The following STXBP5L variants were observed in gnomAD, a reference collection of about 807,000 sequenced individuals.
STXBP5L encodes the protein syntaxin binding protein 5L.
A neutral mutation model predicts 144.5 loss-of-function variants in STXBP5L; 65 were observed. The ratio of observed to expected loss-of-function variants is 0.45; its 90% CI spans 0.37 to 0.55. The LOEUF (loss-of-function observed/expected upper bound fraction) is 0.55, where lower values mean the gene tolerates loss of function less well. Ranked by LOEUF, STXBP5L falls within the 20% of genes least tolerant of loss-of-function variation. STXBP5L has a pLI of 0.00. For missense variants in STXBP5L, 1,298 were observed against 1,405.5 expected, an observed-to-expected ratio of 0.92 and a Z score of 1.22; for synonymous variants, 505 against 469.6, an observed-to-expected ratio of 1.08 and a Z score of -0.97.
intron 7 of STXBP5L, among the ~76,000 whole-genome samples, chr3:121,132,474 G>A (rs1007110347): frequency 5.3e-5 from 8 of 152,176 alleles, no homozygotes; most frequent in Admixed American, 1.3e-4. Context: ...CCATGGGAAA[G>A]GAAAGAGTAG....
chr3:121,316,826 A>T (rs1363812836), intron 19 of STXBP5L, among the ~76,000 whole-genome samples: 1 of 152,190 alleles, frequency 6.6e-6, no homozygotes, highest in Non-Finnish European at 1.5e-5. Context: ...TAGTCATTAC[A>T]GTTCCTTTCT....
At chr3:121,313,302 C>T (rs1211146633) in intron 19 of STXBP5L, among the ~76,000 whole-genome samples, 3 of 135,694 alleles carry the variant, frequency 2.2e-5, no homozygotes, top group Non-Finnish European at 4.8e-5. Context: ...TGGGCAGAGG[C>T]GCCCCTCACC....
At chr3:121,407,770 G>T in intron 23 of STXBP5L, 167 bp downstream of exon 23, 3 of 1,003,606 alleles carry the variant, frequency 3.0e-6, no homozygotes, top group African/African-American at 1.7e-5. Context: ...AGAGTTTGGG[G>T]GTTTTGTGTT....
chr3:121,102,555 A>G (rs2043486793), intron 5 of STXBP5L, among the ~76,000 whole-genome samples: 1 of 152,144 alleles, frequency 6.6e-6, no homozygotes, highest in Non-Finnish European at 1.5e-5. Flanking sequence ...AAATTAACTC[A>G]AGAGGGTTTA....
chr3:121,056,878 A>T (rs1194281568), intron 5 of STXBP5L, among the ~76,000 whole-genome samples: 1 of 151,566 alleles, frequency 6.6e-6, no homozygotes, highest in Non-Finnish European at 1.5e-5. Flanking sequence ...ATATATAGAG[A>T]GAATATCATA....
chr3:121,301,552 A>C (rs1329294544), intron 19 of STXBP5L, among the ~76,000 whole-genome samples: 7 of 152,018 alleles, frequency 4.6e-5, no homozygotes, highest in Non-Finnish European at 7.4e-5. Flanking sequence ...TCTCCTGCCT[A>C]ATTGCCCTGG....
rs1375798599 is a variant in STXBP5L at position 121,381,549 on chromosome 3, A to G, written c.2587+17A>G. ...TGCCAAGTGGTAAGAGTTTGTATTC[A>G]TTCATTCCTTCACTGTTACTTTTTC... On this transcript the variant is annotated intron_variant, in intron 22 of 26. Transcript: ENST00000471454. 16 of 1,581,146 alleles carry G rather than the reference A, an allele frequency of 1.0e-5. No homozygotes were observed. In the Middle Eastern group the frequency reaches 5.0e-4, roughly 50 times the overall value.
At chr3:121,312,924 A>G in intron 19 of STXBP5L, among the ~76,000 whole-genome samples, 1 of 152,146 alleles carries the variant, frequency 6.6e-6, no homozygotes, top group Admixed American at 6.5e-5. Flanking sequence ...CCGCCTTTCT[A>G]TTCCACAAAA....
chr3:120,942,204 T>C (rs1006841867), intron 2 of STXBP5L, among the ~76,000 whole-genome samples: 1 of 151,840 alleles, frequency 6.6e-6, no homozygotes, highest in South Asian at 2.1e-4. Context: ...AAGCAAAATA[T>C]TAAAATTGTT....
At chr3:121,006,990 CT>C (rs1944372354) in intron 3 of STXBP5L, among the ~76,000 whole-genome samples, 1 of 151,974 alleles carries the variant, frequency 6.6e-6, no homozygotes. Flanking sequence ...ACATTTTTTC[CT>C]TCATTTCAAC....
chr3:121,138,858 A>G (rs190832331), intron 7 of STXBP5L, among the ~76,000 whole-genome samples: 4 of 152,158 alleles, frequency 2.6e-5, no homozygotes, highest in African/African-American at 9.6e-5. Flanking sequence ...AGTTTTTTGA[A>G]TAAGAACTCA....
At chr3:121,320,188 G>A (rs998846274) in intron 20 of STXBP5L, among the ~76,000 whole-genome samples, 6 of 151,710 alleles carry the variant, frequency 4.0e-5, no homozygotes, top group East Asian at 1.9e-4. Context: ...ACTTTCTTTC[G>A]GTAATATTTT....
intron 9 of STXBP5L, among the ~76,000 whole-genome samples, chr3:121,173,916 G>A (rs947140681): frequency 4.0e-5 from 6 of 151,752 alleles, no homozygotes; most frequent in Admixed American, 3.3e-4. Context: ...GTTCCATGAC[G>A]CAATTTAAGG....
intron 3 of STXBP5L, among the ~76,000 whole-genome samples, chr3:120,980,992 C>T (rs893022063): frequency 2.0e-5 from 3 of 151,908 alleles, no homozygotes; most frequent in African/African-American, 4.8e-5. Flanking sequence ...AAATCCTTTG[C>T]TAGATTTTTT....
At chr3:121,287,889 G>T (rs2051288588) in intron 19 of STXBP5L, among the ~76,000 whole-genome samples, 4 of 152,012 alleles carry the variant, frequency 2.6e-5, no homozygotes, top group Admixed American at 2.6e-4. Context: ...AAGTTAAGAA[G>T]ACTTAAATAA....
At chr3:121,172,074 C>A (rs1256223083) in intron 9 of STXBP5L, among the ~76,000 whole-genome samples, 2 of 152,144 alleles carry the variant, frequency 1.3e-5, no homozygotes, top group African/African-American at 4.8e-5. Flanking sequence ...TGCTCTTTGA[C>A]AAACGTGACA....
At chr3:120,995,853 C>T (rs576378365) in intron 3 of STXBP5L, among the ~76,000 whole-genome samples, 83 of 152,216 alleles carry the variant, frequency 5.5e-4, no homozygotes, top group Middle Eastern at 3.4e-3. Context: ...TCTTATGTTA[C>T]TATTTCCTCT....
At chr3:120,940,119 A>G (rs998158615) in intron 2 of STXBP5L, among the ~76,000 whole-genome samples, 2 of 152,028 alleles carry the variant, frequency 1.3e-5, no homozygotes, top group Non-Finnish European at 2.9e-5. Flanking sequence ...TTATATATCA[A>G]TGAGAAAGAT....
chr3:121,047,688 C>T (rs1576769299), intron 5 of STXBP5L, among the ~76,000 whole-genome samples: 2 of 151,998 alleles, frequency 1.3e-5, no homozygotes, highest in Admixed American at 6.6e-5. Flanking sequence ...TTTCTGACTG[C>T]CATTTGCTTG....
Sources: gnomAD v4.1 joint callset for allele counts (sites outside exome capture counted in the v4.1 genomes callset) on GRCh38, gnomAD v4.1.1 for gene constraint, MANE v1.5 for transcripts, NCBI Gene and HGNC (gene_info 2026-07-23, HGNC 2026-07-21) for gene names.